The following PCDHGA3 variants were observed in gnomAD, a reference collection of about 807,000 sequenced individuals.
PCDHGA3 encodes protocadherin gamma-A3.
A neutral mutation model predicts 58.5 loss-of-function variants in PCDHGA3; 40 were observed. That is an observed-to-expected ratio of 0.68 (90% CI 0.53 to 0.89). The LOEUF (loss-of-function observed/expected upper bound fraction) is 0.89, where lower values mean the gene tolerates loss of function less well. Among genes scored for constraint, PCDHGA3 ranks in the 40% least tolerant of loss-of-function variants. PCDHGA3 has a pLI of 0.00. For synonymous variants in PCDHGA3, 530 were observed against 525.7 expected (o/e 1.01, Z -0.11); for missense variants, 1,223 against 1,195.9 (o/e 1.02, Z -0.33).
At chr5:141,423,357 C>G in intron 1 of PCDHGA3, 1 of 1,614,214 alleles carries the variant, frequency 6.2e-7, no homozygotes. Context: ...TCTTTGTCAT[C>G]GTGCTGCTGG....
chr5:141,433,307 C>A, intron 1 of PCDHGA3: 1 of 913,756 alleles, frequency 1.1e-6, no homozygotes, highest in Non-Finnish European at 1.6e-6. Flanking sequence ...AATTATCCCA[C>A]CTTTGCCTCC....
chr5:141,486,146 G>T lies in PCDHGA3; in HGVS notation c.2425-8661G>T. Reference sequence around the variant, plus strand: ...TGAATTTGATGTGCGGGCTCGCGATGGGGGTTCTCCAGCCATGGAGCAACA... The same window carrying T: ...TGAATTTGATGTGCGGGCTCGCGATTGGGGTTCTCCAGCCATGGAGCAACA... On this transcript the variant is annotated intron_variant, in intron 1 of 3. Transcript: ENST00000253812. The surrounding 1 kb of genome is among the most constrained non-coding windows in gnomAD (Gnocchi z 5.0). 6.2e-7 allele frequency: 1 copy of T among 1,614,184 alleles called. No homozygotes were observed. The highest frequency in any genetic ancestry group is 8.5e-7 in the Non-Finnish European group (1 of 1,180,032).
At chr5:141,356,642 G>A in intron 1 of PCDHGA3, 1 of 1,614,132 alleles carries the variant, frequency 6.2e-7, no homozygotes, top group Non-Finnish European at 8.5e-7. Flanking sequence ...GACCCTGACA[G>A]TGGTGACAAT....
rs983998465 is a variant in PCDHGA3 at position 141,494,817 on chromosome 5, C to T, written c.2435C>T (p.Pro812Leu). ...GDSNLLQQAP[P>L]NTDWRFSQAQ... ...CTGTTTTCTCCACAGCAAGCCCCGC[C>T]CAACACGGACTGGCGTTTCTCTCAG... The change falls in exon 2 of 4, where the codon CCC becomes CTC. Residue 812 changes from proline to leucine, a missense_variant. Around this residue, in one of 3 missense-constraint regions of PCDHGA3, gnomAD observed 325 missense variants for 327.5 expected, o/e 0.99. Transcript: ENST00000253812. 1.2e-6 allele frequency: 2 copies of T among 1,614,016 alleles called. No individual in the cohort carries two copies. Among genetic ancestry groups the T allele is most frequent in the Non-Finnish European group, 1.7e-6 (2 of 1,180,026 alleles).
intron 1 of PCDHGA3, chr5:141,428,441 G>C: frequency 2.6e-6 from 1 of 389,280 alleles, no homozygotes; most frequent in Non-Finnish European, 4.9e-6. Context: ...ACTAGACCAG[G>C]GGTTTTTCCC....
intron 1 of PCDHGA3, chr5:141,399,746 C>G (rs1478736881): frequency 2.5e-6 from 4 of 1,613,242 alleles, no homozygotes; most frequent in African/African-American, 2.7e-5. Context: ...GCGCTCAGCG[C>G]AAACGTGAGC....
At chr5:141,419,756 G>A in intron 1 of PCDHGA3, 7 of 1,614,008 alleles carry the variant, frequency 4.3e-6, no homozygotes, top group East Asian at 2.2e-5. Flanking sequence ...GCGTGCTTTG[G>A]GTGACAAGGA....
chr5:141,370,214 C>T (rs988145754), intron 1 of PCDHGA3: 21 of 565,608 alleles, frequency 3.7e-5, no homozygotes, highest in African/African-American at 3.8e-5. Context: ...ATTGGCTCCT[C>T]CCGCTGCAGC....
In PCDHGA3 at chr5:141,395,547, TGTGTGTGTGTGTGTG is replaced by T. The variant is rs2093269943; in HGVS notation, c.2424+49091_2424+49105del. On this transcript the variant is annotated intron_variant, in intron 1 of 3. Coordinates refer to ENST00000253812, the MANE Select transcript of PCDHGA3 (RefSeq NM_018916.4). ...ACTGGTAATTTTGCTATTGTTTGTG[TGTGTGTGTGTGTGTG>T]TGTGTGTGTGTGTGTGTGTGTGTGT... 2.2e-3 allele frequency: 375 copies of T among 174,268 alleles called. 18 individuals carry two copies. The highest frequency in any genetic ancestry group is 5.2e-3 in the East Asian group (33 of 6,366). 10.8% of individuals were successfully genotyped at this position (174,268 alleles called of 1,614,324 possible). A position where few individuals can be genotyped will look rare whatever the true frequency, so the allele number is the denominator to read the frequency against.
At chr5:141,492,487 C>G (rs1031047955) in intron 1 of PCDHGA3, among the ~76,000 whole-genome samples, 1 of 152,222 alleles carries the variant, frequency 6.6e-6, no homozygotes, top group Non-Finnish European at 1.5e-5. Flanking sequence ...CGCCCAGGAC[C>G]AGGCGAGGAC....
rs2099698809 is a variant in PCDHGA3 at position 141,490,343 on chromosome 5, T to C, written c.2425-4464T>C. On this transcript the variant is annotated intron_variant, in intron 1 of 3. Transcript: ENST00000253812. This position sits in a 1 kb window ranked among gnomAD's most constrained non-coding sequence, Gnocchi z 5.4. ...CTAGAGAGCACACCAGTGGGCACAG[T>C]AGTGGGGTTGTTTAATGTGCGAGAC... The C allele has an allele frequency of 6.2e-7, 1 of 1,614,018 alleles. No individual in the cohort carries two copies. Among genetic ancestry groups the C allele is most frequent in the Admixed American group, 1.7e-5 (1 of 60,006 alleles).
At chr5:141,364,352 T>C in intron 1 of PCDHGA3, 1 of 1,551,202 alleles carries the variant, frequency 6.4e-7, no homozygotes, top group Non-Finnish European at 8.7e-7. Context: ...ACCTAGGGGC[T>C]GGGGCTGCGG....
intron 1 of PCDHGA3, chr5:141,371,497 T>C: frequency 1.2e-6 from 2 of 1,613,908 alleles, no homozygotes; most frequent in South Asian, 2.2e-5. Context: ...GCCGTTGCCC[T>C]GATCAAAACA....
Position 141,491,680 on chromosome 5 carries a change from A to G in PCDHGA3, c.2425-3127A>G. The G allele has an allele frequency of 6.2e-7, 1 of 1,613,304 alleles. No individual in the cohort carries two copies. The highest frequency in any genetic ancestry group is 2.2e-5 in the East Asian group (1 of 44,820). ...TGACGCCATCCGGTCCCGCTCTAATACGCTGCGGGAGCGGAGCCAGGTGAG... is the reference window on the plus strand; with the variant it reads ...TGACGCCATCCGGTCCCGCTCTAATGCGCTGCGGGAGCGGAGCCAGGTGAG... On this transcript the variant is annotated intron_variant, in intron 1 of 3. Transcript: ENST00000253812. The surrounding 1 kb of genome is among the most constrained non-coding windows in gnomAD (Gnocchi z 6.9).
At chr5:141,414,042 T>A (rs758538745) in intron 1 of PCDHGA3, 1 of 1,611,324 alleles carries the variant, frequency 6.2e-7, no homozygotes, top group South Asian at 1.1e-5. Flanking sequence ...GAAAATTACC[T>A]GACACGCAAT....
chr5:141,400,543 T>C (rs2094038969), intron 1 of PCDHGA3: 1 of 1,613,794 alleles, frequency 6.2e-7, no homozygotes. Flanking sequence ...CATTTATGTC[T>C]ATTCTTTTTC....
intron 1 of PCDHGA3, chr5:141,408,686 A>G (rs2095150873): frequency 6.2e-7 from 1 of 1,613,848 alleles, no homozygotes; most frequent in Non-Finnish European, 8.5e-7. Flanking sequence ...GGATCCTGAT[A>G]TAAACATAAA....
intron 2 of PCDHGA3, among the ~76,000 whole-genome samples, chr5:141,500,682 G>A (rs1661676761): frequency 6.6e-6 from 1 of 152,044 alleles, no homozygotes; most frequent in African/African-American, 2.4e-5. Context: ...CAGAATTATA[G>A]CTTTTTTCTT....
intron 1 of PCDHGA3, chr5:141,409,404 A>T: frequency 5.0e-6 from 8 of 1,614,046 alleles, no homozygotes; most frequent in Non-Finnish European, 6.8e-6. Flanking sequence ...TCCAATAACT[A>T]CTACAAACTG....
Sources: gnomAD v4.1 joint callset for allele counts (sites outside exome capture counted in the v4.1 genomes callset) on GRCh38, gnomAD v4.1.1 for gene constraint, gnomAD v4.1.1 regional missense constraint, Gnocchi (gnomAD v3.1) non-coding constraint, MANE v1.5 for transcripts, NCBI Gene and HGNC (gene_info 2026-07-23, HGNC 2026-07-21) for gene names.